The following ZNF568 variants were observed in gnomAD, a reference collection of about 807,000 sequenced individuals.
ZNF568 encodes zinc finger protein 568.
In ZNF568, 11 loss-of-function variants were observed where a neutral mutation model predicts 18.1. The ratio of observed to expected loss-of-function variants is 0.61; its 90% CI spans 0.38 to 1.00. ZNF568 has a LOEUF of 1.00. Among genes scored for constraint, ZNF568 ranks in the 50% least tolerant of loss-of-function variants. The pLI, the probability that ZNF568 is intolerant of heterozygous loss-of-function variation, is 0.01. For missense variants in ZNF568, 639 were observed against 768.2 expected (o/e 0.83, Z 1.99); for synonymous variants, 213 against 246.6 (o/e 0.86, Z 1.28).
intron 4 of ZNF568, among the ~76,000 whole-genome samples, chr19:36,993,403 G>A (rs1911163095): frequency 1.3e-5 from 2 of 152,050 alleles, no homozygotes; most frequent in African/African-American, 4.8e-5. Context: ...TTGTCTGGTT[G>A]GTATCAGGGT....
intron 6 of ZNF568, among the ~76,000 whole-genome samples, chr19:36,974,164 G>T (rs2146334709): frequency 6.6e-6 from 1 of 152,302 alleles, no homozygotes; most frequent in East Asian, 1.9e-4. Flanking sequence ...CTCAGTGTAA[G>T]ACGCTAGGCC....
Position 36,950,906 on chromosome 19 carries a change from C to T in ZNF568, c.1753C>T (p.Pro585Ser). ...TGTGAGAAGTCACACAGGGGAGAAA[C>T]CCTATGAATGTAATAAATGTGGGAA... Reference protein sequence around the residue: ...LHVRSHTGEKPYECNKCGKAF... With the variant: ...LHVRSHTGEKSYECNKCGKAF... The change falls in exon 7 of 7, where the codon CCC becomes TCC. Residue 585 changes from proline (P) to serine (S), a missense_variant. Transcript: ENST00000333987. The T allele has an allele frequency of 6.2e-7, 1 of 1,613,598 alleles. No homozygotes were observed.
intron 6 of ZNF568, among the ~76,000 whole-genome samples, chr19:36,965,721 TTTA>T (rs377151450): frequency 1.5e-3 from 158 of 106,788 alleles, no homozygotes; most frequent in Non-Finnish European, 1.5e-3. Context: ...TTTTTTTTTT[TTTA>T]AGAGTCTTGC....
chr19:36,966,129 T>C (rs1335402722), intron 6 of ZNF568, among the ~76,000 whole-genome samples: 1 of 151,982 alleles, frequency 6.6e-6, no homozygotes, highest in East Asian at 1.9e-4. Flanking sequence ...TACTAAAAAA[T>C]ATAAAAATCA....
At chr19:36,918,834 CT>C (rs2073400365) in intron 2 of ZNF568, among the ~76,000 whole-genome samples, 1 of 152,192 alleles carries the variant, frequency 6.6e-6, no homozygotes, top group African/African-American at 2.4e-5. Context: ...ATTCTACTTT[CT>C]GTCTCTGAAT....
At chr19:36,975,219 C>A (rs558108139) in intron 7 of ZNF568, among the ~76,000 whole-genome samples, 2 of 150,874 alleles carry the variant, frequency 1.3e-5, no homozygotes, top group Admixed American at 1.3e-4. Flanking sequence ...ACAATCTCGG[C>A]TCACTGCAAC....
intron 4 of ZNF568, among the ~76,000 whole-genome samples, chr19:36,927,889 ATATATATATATATATTTTTTTTTTT>A (rs1568381511): frequency 2.1e-3 from 47 of 22,106 alleles, no homozygotes; most frequent in African/African-American, 8.3e-3. Flanking sequence ...TATATATATT[ATATATATATATATATTTTTTTTTTT>A]TTTTTTTTTT....
chr19:36,939,782 G>A (rs1414108605), intron 6 of ZNF568, among the ~76,000 whole-genome samples: 1 of 151,862 alleles, frequency 6.6e-6, no homozygotes, highest in African/African-American at 2.4e-5. Context: ...CTCGTGATCC[G>A]CCCACCTCGG....
At chr19:36,963,786 G>A (rs899170085) in intron 6 of ZNF568, among the ~76,000 whole-genome samples, 3 of 152,064 alleles carry the variant, frequency 2.0e-5, no homozygotes, top group Admixed American at 2.0e-4. Context: ...AGCCAACATG[G>A]TGAAACCCCA....
intron 4 of ZNF568, among the ~76,000 whole-genome samples, chr19:36,994,075 C>A (rs751506254): frequency 1.3e-5 from 2 of 150,554 alleles, no homozygotes; most frequent in African/African-American, 4.9e-5. Flanking sequence ...TCCCTTTAAG[C>A]CCTGCTTTAG....
intron 6 of ZNF568, among the ~76,000 whole-genome samples, chr19:36,943,493 A>G (rs558281871): frequency 1.3e-5 from 2 of 152,240 alleles, no homozygotes; most frequent in East Asian, 3.9e-4. Context: ...GGTTTCCAAA[A>G]TTTGTCAAGT....
At chr19:36,921,329 C>T (rs778152799) in intron 2 of ZNF568, among the ~76,000 whole-genome samples, 13 of 151,972 alleles carry the variant, frequency 8.6e-5, no homozygotes, top group Non-Finnish European at 1.6e-4. Flanking sequence ...GGCGTGGTGG[C>T]GCATGCCTGT....
chr19:36,988,267 T>C (rs897413322), intron 2 of ZNF568, among the ~76,000 whole-genome samples: 5 of 152,176 alleles, frequency 3.3e-5, no homozygotes, highest in African/African-American at 1.2e-4. Context: ...ATGCTTTCTT[T>C]TCTGTTTTTT....
intron 6 of ZNF568, among the ~76,000 whole-genome samples, chr19:36,946,338 A>AATT (rs1387309945): frequency 6.6e-6 from 1 of 152,126 alleles, no homozygotes; most frequent in Non-Finnish European, 1.5e-5. Flanking sequence ...TAGCTAATTC[A>AATT]ATTTCACCAC....
At chr19:36,954,241 T>TA (rs1416303154), downstream of ZNF568, among the ~76,000 whole-genome samples, 1 of 152,000 alleles carries the variant, frequency 6.6e-6, no homozygotes, top group Non-Finnish European at 1.5e-5. Context: ...ATAAAAACAA[T>TA]ACAAAGGAGA....
At chr19:36,997,519 G>C, downstream of ZNF568, 3 of 1,588,250 alleles carry the variant, frequency 1.9e-6, no homozygotes, top group Non-Finnish European at 2.6e-6. Context: ...CACACATCAT[G>C]AGAGAAGTCA....
At chr19:36,980,073 A>C (rs1051510154), downstream of ZNF568, 1 of 151,244 alleles carries the variant, frequency 6.6e-6, no homozygotes, top group African/African-American at 2.4e-5. Context: ...ATTGATTTTT[A>C]TATTTCCAGA....
At chr19:36,947,486 C>G (rs908249976) in intron 6 of ZNF568, among the ~76,000 whole-genome samples, 35 of 152,192 alleles carry the variant, frequency 2.3e-4, no homozygotes, top group African/African-American at 8.4e-4. Context: ...CATGGGAACT[C>G]TACATGCAGT....
Position 36,996,356 on chromosome 19 carries a change from AG to A in ZNF568, c.271del (p.Glu91LysfsTer39), listed in dbSNP as rs1568411568. ...AGAGAAACCAAGAATTTATCTCCAA[AG>A]GAAAACATTTATGAAATTAGATCAC... is the stretch of plus-strand genomic sequence containing the variant. On this transcript the variant is annotated frameshift_variant, in exon 5 of 5. Transcript: ENST00000433993. LOFTEE classifies it low-confidence loss of function (END_TRUNC). The A allele has an allele frequency of 6.5e-7, 1 of 1,532,888 alleles. No individual in the cohort carries two copies. The highest frequency in any genetic ancestry group is 8.7e-7 in the Non-Finnish European group (1 of 1,146,082). 95.0% of individuals were successfully genotyped at this position (1,532,888 alleles called of 1,614,324 possible).
Sources: gnomAD v4.1 joint callset for allele counts (sites outside exome capture counted in the v4.1 genomes callset) on GRCh38, gnomAD v4.1.1 for gene constraint, MANE v1.5 for transcripts, NCBI Gene and HGNC (gene_info 2026-07-23, HGNC 2026-07-21) for gene names.